The following NCOA1 variants were observed in gnomAD, a reference collection of about 807,000 sequenced individuals.
NCOA1 encodes Hin-2 protein.
Under a neutral mutation model 150.9 loss-of-function variants are expected in NCOA1, and 35 were observed. The ratio of observed to expected loss-of-function variants is 0.23; its 90% CI spans 0.18 to 0.31. The LOEUF is 0.31. NCOA1 is among the 10% of genes least tolerant of loss of function. NCOA1 has a pLI of 1.00. For synonymous variants in NCOA1, 590 were observed against 630.0 expected (o/e 0.94, Z 0.95); for missense variants, 1,491 against 1,749.3 (o/e 0.85, Z 2.63).
rs989322176 is a variant in NCOA1 at position 24,566,806 on chromosome 2, G to A, written c.-260+2376G>A. 5.3e-5 allele frequency among the ~76,000 whole-genome samples: 8 copies of A among 152,236 alleles called. No individual in the cohort carries two copies. In the East Asian group the frequency reaches 5.8e-4, roughly 11 times the overall value. On this transcript the variant is annotated intron_variant, in intron 2 of 22. Coordinates refer to ENST00000348332, the MANE Select transcript of NCOA1 (RefSeq NM_003743.5). ...ACCCAGCTGGGTTGCAACAGTGCCC[G>A]GCCTTGGCCTCAACTTTGCTCCGAG...
At chr2:24,768,058 G>A in intron 22 of NCOA1, 163 bp from the exon 23 acceptor site, 1 of 1,612,724 alleles carries the variant, frequency 6.2e-7, no homozygotes, top group Non-Finnish European at 8.5e-7. Flanking sequence ...CAAAATGAGT[G>A]CAGCGATTTT....
At position 24,752,053 on chromosome 2, in the gene NCOA1, A is replaced by G. The variant is rs745912359; in HGVS notation, c.3778A>G (p.Ile1260Val). The G allele has an allele frequency of 8.1e-6, 13 of 1,614,020 alleles. No individual in the cohort carries two copies. The highest frequency in any genetic ancestry group is 3.3e-5 in the South Asian group (3 of 91,082). The change falls in exon 20 of 23, where the codon ATC becomes GTC. Residue 1260 changes from isoleucine to valine, a missense_variant. This residue lies in a region of NCOA1 where 485 missense variants were observed against 522.8 expected (regional missense o/e 0.93). Coordinates refer to ENST00000348332, the MANE Select transcript of NCOA1 (RefSeq NM_003743.5). ...SPGSSMVPMP[I>V]PPPQSSLLQQ... ...TGGGAGCTCCATGGTGCCGATGCCA[A>G]TCCCTCCTCCTCAGAGTTCTCTTCT...
intron 1 of NCOA1, among the ~76,000 whole-genome samples, chr2:24,505,588 G>A (rs1663659116): frequency 6.6e-6 from 1 of 152,190 alleles, no homozygotes; most frequent in Middle Eastern, 3.2e-3. Flanking sequence ...GAAAGTCTCT[G>A]TCTTGAAGAC....
chr2:24,553,391 G>T (rs1409524865), intron 1 of NCOA1, among the ~76,000 whole-genome samples: 1 of 151,922 alleles, frequency 6.6e-6, no homozygotes, highest in Non-Finnish European at 1.5e-5. Context: ...GCTAATTTTT[G>T]TATTTTTAGT....
intron 5 of NCOA1, among the ~76,000 whole-genome samples, chr2:24,664,341 C>T (rs977603513): frequency 6.6e-6 from 1 of 152,134 alleles, no homozygotes; most frequent in Non-Finnish European, 1.5e-5. Context: ...TAGGTAAATA[C>T]ATTTGATTAG....
intron 3 of NCOA1, among the ~76,000 whole-genome samples, chr2:24,641,326 A>G (rs888874153): frequency 2.0e-5 from 3 of 151,522 alleles, no homozygotes; most frequent in Non-Finnish European, 2.9e-5. Context: ...ATATTTTTGT[A>G]TAATCACTTA....
intron 5 of NCOA1, among the ~76,000 whole-genome samples, chr2:24,663,048 G>C (rs1671257828): frequency 6.7e-6 from 1 of 150,256 alleles, no homozygotes; most frequent in Admixed American, 6.7e-5. Flanking sequence ...TCCTGCCTCT[G>C]TCTCCCAAAG....
At chr2:24,558,765 G>A (rs937303654) in intron 1 of NCOA1, among the ~76,000 whole-genome samples, 1 of 152,184 alleles carries the variant, frequency 6.6e-6, no homozygotes, top group African/African-American at 2.4e-5. Context: ...CTGAGCTGGG[G>A]CATGTTTTAT....
chr2:24,540,790 T>A (rs1001902999), intron 1 of NCOA1, among the ~76,000 whole-genome samples: 3 of 152,074 alleles, frequency 2.0e-5, no homozygotes, highest in Non-Finnish European at 2.9e-5. Context: ...TCCAGTGATA[T>A]AATGAGATCC....
intron 4 of NCOA1, among the ~76,000 whole-genome samples, chr2:24,648,517 C>T (rs753052560): frequency 2.0e-5 from 3 of 152,118 alleles, no homozygotes; most frequent in Admixed American, 6.6e-5. Flanking sequence ...ATGATCCACC[C>T]GCCTTGGCCT....
At chr2:24,607,191 T>G (rs1418602992) in intron 3 of NCOA1, among the ~76,000 whole-genome samples, 2 of 147,202 alleles carry the variant, frequency 1.4e-5, no homozygotes, top group Non-Finnish European at 3.0e-5. Flanking sequence ...GGTACTGTGT[T>G]TTTTTTTTTT....
chr2:24,562,301 A>G (rs532158086), intron 1 of NCOA1, among the ~76,000 whole-genome samples: 18 of 152,360 alleles, frequency 1.2e-4, no homozygotes, highest in African/African-American at 3.6e-4. Context: ...TTGAATGCTG[A>G]CATGAGCTCA....
Position 24,707,236 on chromosome 2 carries a change from C to A in NCOA1, c.1766C>A (p.Ala589Asp). 6.2e-7 allele frequency: 1 copy of A among 1,613,984 alleles called. No individual in the cohort carries two copies. ...GAGTCCAAAGATAACAAAGAGATTG[C>A]CTCAATTTTAAATGAAATGATTCAA... is the stretch of plus-strand genomic sequence containing the variant. Reference protein sequence around the residue: ...KAESKDNKEIASILNEMIQSD... With the variant: ...KAESKDNKEIDSILNEMIQSD... The change falls in exon 13 of 23, where the codon GCC (alanine) becomes GAC (aspartate). Residue 589 changes from alanine (A) to aspartate (D), a missense_variant. By Grantham distance (126) the Ala-to-Asp change is moderately radical. This residue lies in a region of NCOA1 where 703 missense variants were observed against 717.7 expected (regional missense o/e 0.98). Coordinates refer to ENST00000348332, the MANE Select transcript of NCOA1 (RefSeq NM_003743.5).
At chr2:24,517,008 A>ACG (rs1664228531) in intron 1 of NCOA1, among the ~76,000 whole-genome samples, 1 of 100,488 alleles carries the variant, frequency 1.0e-5, no homozygotes, top group Non-Finnish European at 2.5e-5. Flanking sequence ...ACGCGCGCAC[A>ACG]CACACACACA....
At chr2:24,685,466 G>A (rs1672358275) in intron 8 of NCOA1, among the ~76,000 whole-genome samples, 1 of 152,078 alleles carries the variant, frequency 6.6e-6, no homozygotes, top group Admixed American at 6.5e-5. Flanking sequence ...AGACTTATTT[G>A]TGAAATTCTA....
At chr2:24,497,849 G>T (rs934914244) in intron 1 of NCOA1, among the ~76,000 whole-genome samples, 11 of 151,968 alleles carry the variant, frequency 7.2e-5, no homozygotes, top group Admixed American at 1.3e-4. Flanking sequence ...AGTGTGGTTT[G>T]GTTTTGTTTT....
intron 3 of NCOA1, among the ~76,000 whole-genome samples, chr2:24,589,209 C>A (rs1667542416): frequency 1.3e-5 from 2 of 152,098 alleles, no homozygotes; most frequent in South Asian, 4.2e-4. Flanking sequence ...GAATTGTGGC[C>A]ACCGAGGTAC....
chr2:24,733,353 G>A (rs1663117476), intron 17 of NCOA1, among the ~76,000 whole-genome samples: 1 of 151,994 alleles, frequency 6.6e-6, no homozygotes, highest in Admixed American at 6.6e-5. Context: ...AACACCATTA[G>A]CGCACTAAAA....
intron 3 of NCOA1, among the ~76,000 whole-genome samples, chr2:24,633,264 T>A (rs1247965989): frequency 2.0e-5 from 3 of 151,558 alleles, no homozygotes; most frequent in Non-Finnish European, 4.4e-5. Context: ...CAAAAAAGAA[T>A]TTTTACCAAT....
Sources: allele counts gnomAD v4.1 joint callset (sites outside exome capture counted in the v4.1 genomes callset), GRCh38; gene constraint gnomAD v4.1.1; regional missense constraint gnomAD v4.1.1; transcripts MANE v1.5; gene names NCBI Gene and HGNC (gene_info 2026-07-23, HGNC 2026-07-21).